FAM222B: variants seen among roughly 807,000 people sequenced by gnomAD.
The protein encoded by FAM222B is family with sequence similarity 222 member B, also known as protein FAM222B.
A neutral mutation model predicts 38.0 loss-of-function variants in FAM222B; 12 were observed. The ratio of observed to expected loss-of-function variants is 0.32; its 90% CI spans 0.20 to 0.51. FAM222B has a LOEUF of 0.51. Among genes scored for constraint, FAM222B ranks in the 20% least tolerant of loss-of-function variants. The pLI, the probability that FAM222B is intolerant of heterozygous loss-of-function variation, is 0.97. For missense variants in FAM222B, 716 were observed against 754.2 expected (o/e 0.95, Z 0.59); for synonymous variants, 329 against 317.2 (o/e 1.04, Z -0.40).
At chr17:28,818,230 T>C (rs1163721368) in intron 1 of FAM222B, among the ~76,000 whole-genome samples, 1 of 151,324 alleles carries the variant, frequency 6.6e-6, no homozygotes, top group Non-Finnish European at 1.5e-5. Flanking sequence ...GACCCTGCCT[T>C]TAAAAAAATA....
intron 1 of FAM222B, among the ~76,000 whole-genome samples, chr17:28,818,476 C>T (rs545278167): frequency 5.3e-5 from 8 of 149,962 alleles, no homozygotes; most frequent in Non-Finnish European, 1.2e-4. Context: ...TGCAGTCAGC[C>T]GAGATCGCGC....
chr17:28,763,896 T>A (rs1020701304), intron 2 of FAM222B, among the ~76,000 whole-genome samples: 1 of 152,104 alleles, frequency 6.6e-6, no homozygotes, highest in Non-Finnish European at 1.5e-5. Flanking sequence ...ACCCCTCCAC[T>A]AGGGGGCAGA....
chr17:28,811,920 G>A (rs983035363), intron 1 of FAM222B, among the ~76,000 whole-genome samples: 4 of 151,686 alleles, frequency 2.6e-5, no homozygotes, highest in African/African-American at 7.3e-5. Context: ...TTTAAATTAC[G>A]GTTTACTGCA....
intron 1 of FAM222B, among the ~76,000 whole-genome samples, chr17:28,806,734 G>C (rs1010489081): frequency 6.6e-6 from 1 of 152,142 alleles, no homozygotes; most frequent in African/African-American, 2.4e-5. Context: ...TTCACAACCA[G>C]AAAGATAAAA....
rs565054546 is a variant in FAM222B, at chr17:28,789,117, G to A, written c.-40-22410C>T. ...AAAAAAAAAAAACTAACACCCCCCC[G>A]ACAAGTAATCTTATGGATAGTGGTA... is the stretch of plus-strand genomic sequence containing the variant. On this transcript the variant is annotated intron_variant, in intron 1 of 2. Coordinates refer to ENST00000581407, the MANE Select transcript of FAM222B (RefSeq NM_001077498.3). 6.8e-5 allele frequency among the ~76,000 whole-genome samples: 9 copies of A among 132,138 alleles called. No homozygotes were observed. In the East Asian group the frequency reaches 1.1e-3, roughly 16 times the overall value. 86.7% of individuals were successfully genotyped at this position (132,138 alleles called of 152,430 possible).
At chr17:28,819,523 T>C (rs1187229378) in intron 1 of FAM222B, among the ~76,000 whole-genome samples, 2 of 152,104 alleles carry the variant, frequency 1.3e-5, no homozygotes, top group South Asian at 2.1e-4. Flanking sequence ...TTGGGCTATT[T>C]TGAATGAAAA....
intron 1 of FAM222B, among the ~76,000 whole-genome samples, chr17:28,805,681 A>G (rs1348600411): frequency 6.6e-6 from 1 of 152,148 alleles, no homozygotes; most frequent in East Asian, 1.9e-4. Context: ...AGAAACACAA[A>G]AAAGTGGGAT....
chr17:28,799,947 A>C (rs150500679), intron 1 of FAM222B, among the ~76,000 whole-genome samples: 25 of 152,156 alleles, frequency 1.6e-4, no homozygotes, highest in African/African-American at 5.5e-4. Context: ...AAGTAATGCA[A>C]ACTTCCACAC....
At chr17:28,810,702 A>C (rs2037719761) in intron 1 of FAM222B, among the ~76,000 whole-genome samples, 1 of 152,242 alleles carries the variant, frequency 6.6e-6, no homozygotes, top group Admixed American at 6.5e-5. Context: ...CTGACACAGG[A>C]TTACTGTGAA....
intron 1 of FAM222B, chr17:28,802,519 A>C (rs1272630481): frequency 6.4e-6 from 1 of 155,282 alleles, no homozygotes; most frequent in East Asian, 1.8e-4. Context: ...CCAAGAATAC[A>C]CTATTGAGAT....
intron 1 of FAM222B, among the ~76,000 whole-genome samples, chr17:28,841,685 CG>C (rs2039042534): frequency 6.6e-6 from 1 of 152,170 alleles, no homozygotes; most frequent in Non-Finnish European, 1.5e-5. Context: ...TTTCTCAACT[CG>C]TTAAAGCACA....
At chr17:28,774,954 TTAAATAAATAAA>T (rs534458509) in intron 1 of FAM222B, among the ~76,000 whole-genome samples, 2 of 148,852 alleles carry the variant, frequency 1.3e-5, no homozygotes, top group African/African-American at 5.0e-5. Context: ...AATAAATAAA[TTAAATAAATAAA>T]TAAATAAATA....
Position 28,761,594 on chromosome 17 carries a change from A to G in FAM222B, c.83-1718T>C, listed in dbSNP as rs559131272. On this transcript the variant is annotated intron_variant, in intron 2 of 2. Coordinates refer to ENST00000581407, the MANE Select transcript of FAM222B (RefSeq NM_001077498.3). ...TAGGCTAATGAGCATATTAGAAGGA[A>G]AATGGGTACAGCTCTCTTTGTTTGG... 4.6e-5 allele frequency among the ~76,000 whole-genome samples: 7 copies of G among 152,344 alleles called. No individual in the cohort carries two copies. The South Asian group carries it at 1.4e-3, about 32-fold the overall frequency.
intron 1 of FAM222B, chr17:28,777,190 AGACT>A (rs1454797413): frequency 2.0e-5 from 3 of 152,184 alleles, no homozygotes; most frequent in African/African-American, 7.2e-5. Context: ...TATTTACTCT[AGACT>A]TACTCTCCTG....
intron 1 of FAM222B, among the ~76,000 whole-genome samples, chr17:28,774,064 A>T (rs2035768290): frequency 1.3e-5 from 2 of 152,100 alleles, no homozygotes. Context: ...CTGGCGGCTG[A>T]GTGGAGGCAT....
At chr17:28,781,466 A>C (rs914077868) in intron 1 of FAM222B, among the ~76,000 whole-genome samples, 1 of 152,124 alleles carries the variant, frequency 6.6e-6, no homozygotes, top group Admixed American at 6.6e-5. Context: ...ATTAGGAAAA[A>C]CAGTATGGAG....
At chr17:28,806,992 A>C (rs2037522764) in intron 1 of FAM222B, among the ~76,000 whole-genome samples, 1 of 152,134 alleles carries the variant, frequency 6.6e-6, no homozygotes, top group Admixed American at 6.6e-5. Context: ...AAAACTATCC[A>C]AAAGTAAGAC....
chr17:28,820,460 C>T (rs945767553), intron 1 of FAM222B, among the ~76,000 whole-genome samples: 2 of 152,110 alleles, frequency 1.3e-5, no homozygotes, highest in Non-Finnish European at 2.9e-5. Flanking sequence ...TTACCTATAG[C>T]AAGTTAAAAT....
Position 28,759,435 on chromosome 17 carries a change from G to A in FAM222B, c.524C>T (p.Pro175Leu), listed in dbSNP as rs547950785. 1.3e-6 allele frequency: 2 copies of A among 1,579,070 alleles called. No homozygotes were observed. The highest frequency in any genetic ancestry group is 1.8e-4 in the Middle Eastern group (1 of 5,694). The change falls in exon 3 of 3, where the codon CCT (proline) becomes CTT (leucine). Residue 175 changes from proline to leucine, a missense_variant. Coordinates refer to ENST00000581407, the MANE Select transcript of FAM222B (RefSeq NM_001077498.3). This position sits in a 1 kb window ranked among gnomAD's most constrained non-coding sequence, Gnocchi z 4.8. ...AHAPPQTLQH[P>L]QGIPPPQALS... ...TGCCTGGGGTGGCGGGATACCCTGA[G>A]GGTGCTGCAGCGTCTGGGGAGGGGC... is the stretch of plus-strand genomic sequence containing the variant.
Sources: allele counts gnomAD v4.1 joint callset (sites outside exome capture counted in the v4.1 genomes callset), GRCh38; gene constraint gnomAD v4.1.1; non-coding constraint Gnocchi (gnomAD v3.1); transcripts MANE v1.5; gene names NCBI Gene and HGNC (gene_info 2026-07-23, HGNC 2026-07-21).